ACSL3: variants seen among roughly 807,000 people sequenced by gnomAD.
ACSL3 encodes fatty acid CoA ligase Acsl3.
Under a neutral mutation model 84.7 loss-of-function variants are expected in ACSL3, and 34 were observed. The observed-to-expected ratio is 0.40, with a 90% CI of 0.31 to 0.53. ACSL3 has a LOEUF of 0.53. Among genes scored for constraint, ACSL3 ranks in the 20% least tolerant of loss-of-function variants. The pLI, the probability that ACSL3 is intolerant of heterozygous loss-of-function variation, is 0.48. For synonymous variants in ACSL3, 315 were observed against 299.4 expected, an observed-to-expected ratio of 1.05 and a Z score of -0.54; for missense variants, 680 against 873.1, an observed-to-expected ratio of 0.78 and a Z score of 2.79.
intron 1 of ACSL3, among the ~76,000 whole-genome samples, chr2:222,886,021 G>A (rs776598500): frequency 1.9e-4 from 29 of 152,004 alleles, no homozygotes; most frequent in Non-Finnish European, 1.8e-4. Context: ...GGGATTACAG[G>A]CGTGAGCCAC....
intron 7 of ACSL3, chr2:222,920,997 C>T (rs1421640728): frequency 3.7e-6 from 2 of 538,972 alleles, no homozygotes; most frequent in Non-Finnish European, 7.4e-6. Context: ...CAGAGACGGT[C>T]TCCAGGCTTT....
intron 7 of ACSL3, 137 bp from the exon 8 acceptor site, chr2:222,921,143 G>C: frequency 1.1e-6 from 1 of 935,930 alleles, no homozygotes; most frequent in Non-Finnish European, 1.7e-6. Flanking sequence ...GTTGATCTCA[G>C]TATAACTAAT....
intron 1 of ACSL3, among the ~76,000 whole-genome samples, chr2:222,881,328 G>T (rs550772413): frequency 6.6e-6 from 1 of 152,252 alleles, no homozygotes; most frequent in East Asian, 1.9e-4. Context: ...GCATTGGACA[G>T]CATAGAGTTA....
rs375452253 is a variant in ACSL3, at chr2:222,871,885, A to G, written c.-207+10627A>G. ...GAGTCTTGTTGCTTTGGGACCACAG[A>G]TGTGAATGTTATTATTATTATTTTT... On this transcript the variant is annotated intron_variant, in intron 1 of 16. Transcript: ENST00000357430. Among the ~76,000 whole-genome samples the G allele has an allele frequency of 4.6e-5, 7 of 152,150 alleles. No homozygotes were observed. The South Asian group carries it at 6.2e-4, about 14-fold the overall frequency.
chr2:222,916,249 A>G (rs1696578079), intron 4 of ACSL3, 70 bp from the exon 5 acceptor site: 2 of 1,040,934 alleles, frequency 1.9e-6, no homozygotes, highest in South Asian at 2.8e-5. Flanking sequence ...TAACATTTGG[A>G]CGATATTCTG....
intron 4 of ACSL3, among the ~76,000 whole-genome samples, chr2:222,910,517 C>G (rs1472977027): frequency 6.6e-6 from 1 of 152,184 alleles, no homozygotes; most frequent in Non-Finnish European, 1.5e-5. Flanking sequence ...TCCTCTTTTA[C>G]TGGAGGGCCA....
chr2:222,881,117 A>G (rs577107098), intron 1 of ACSL3, among the ~76,000 whole-genome samples: 8 of 152,228 alleles, frequency 5.3e-5, no homozygotes, highest in Admixed American at 1.3e-4. Flanking sequence ...CTAGTAGGCA[A>G]TTGATTTCAT....
intron 1 of ACSL3, among the ~76,000 whole-genome samples, chr2:222,868,072 A>ATGAC (rs1695202490): frequency 6.6e-6 from 1 of 151,968 alleles, no homozygotes. Context: ...AATTCCATGC[A>ATGAC]TGACTGCAGG....
At chr2:222,870,801 G>T (rs941879420) in intron 1 of ACSL3, among the ~76,000 whole-genome samples, 3 of 152,216 alleles carry the variant, frequency 2.0e-5, no homozygotes, top group Non-Finnish European at 4.4e-5. Context: ...ACTTCAAGTT[G>T]TGGAGAGTCT....
At chr2:222,941,047 G>T (rs73067422) in intron 16 of ACSL3, among the ~76,000 whole-genome samples, 1 of 151,908 alleles carries the variant, frequency 6.6e-6, no homozygotes, top group Non-Finnish European at 1.5e-5. Flanking sequence ...TACTACAAGC[G>T]TATGCCACTA....
At position 222,866,908 on chromosome 2, in the gene ACSL3, C is replaced by T. The variant is rs191806853; in HGVS notation, c.-207+5650C>T. ...GGAGTGCAGTGGTGTGATCTCTGCT[C>T]ACTGCAACCTCCGCCTCCCGGGTTC... On this transcript the variant is annotated intron_variant, in intron 1 of 16. Coordinates refer to ENST00000357430, the MANE Select transcript of ACSL3 (RefSeq NM_004457.5). 4.3e-3 allele frequency among the ~76,000 whole-genome samples: 652 copies of T among 150,016 alleles called. 5 individuals are homozygous for T. Among genetic ancestry groups the T allele is most frequent in the African/African-American group, 0.015 (604 of 40,674 alleles).
chr2:222,884,804 C>T (rs1695680184), intron 1 of ACSL3, among the ~76,000 whole-genome samples: 1 of 152,170 alleles, frequency 6.6e-6, no homozygotes, highest in Non-Finnish European at 1.5e-5. Context: ...TTTCTCTTTT[C>T]TTGTACAGTT....
At chr2:222,925,851 G>A (rs928842477) in intron 11 of ACSL3, among the ~76,000 whole-genome samples, 1 of 152,144 alleles carries the variant, frequency 6.6e-6, no homozygotes, top group African/African-American at 2.4e-5. Flanking sequence ...TTGTATTTGT[G>A]TAGTGTTAAT....
intron 2 of ACSL3, among the ~76,000 whole-genome samples, chr2:222,890,415 C>T (rs918933294): frequency 4.6e-5 from 7 of 152,172 alleles, no homozygotes; most frequent in African/African-American, 1.7e-4. Flanking sequence ...ATTTTAAAAT[C>T]ATCTTGAAAA....
chr2:222,894,766 A>T, intron 2 of ACSL3, among the ~76,000 whole-genome samples: 1 of 152,234 alleles, frequency 6.6e-6, no homozygotes, highest in Non-Finnish European at 1.5e-5. Context: ...GCAAGGTATC[A>T]TAGAAGTTCT....
At chr2:222,867,405 TTTA>T (rs1336611255) in intron 1 of ACSL3, among the ~76,000 whole-genome samples, 1 of 152,186 alleles carries the variant, frequency 6.6e-6, no homozygotes, top group Admixed American at 6.5e-5. Flanking sequence ...GAATTTGGTG[TTTA>T]TTATTCCTAT....
Position 222,937,385 on chromosome 2 carries a change from A to G in ACSL3, c.2005+2698A>G, listed in dbSNP as rs555132001. Among the ~76,000 whole-genome samples the G allele has an allele frequency of 3.9e-5, 6 of 152,188 alleles. No individual in the cohort carries two copies. In the South Asian group the frequency reaches 1.2e-3, roughly 32 times the overall value. On this transcript the variant is annotated intron_variant, in intron 16 of 16. Coordinates refer to ENST00000357430, the MANE Select transcript of ACSL3 (RefSeq NM_004457.5). The stretch of plus-strand genomic sequence containing the variant: ...TTTTGATCTTCTGATTGTTCTATTC[A>G]TAAATGAAAGTGGAGTATTGAAGTC...
chr2:222,915,229 T>A (rs1434566622), intron 4 of ACSL3, among the ~76,000 whole-genome samples: 3 of 151,460 alleles, frequency 2.0e-5, no homozygotes, highest in Non-Finnish European at 3.0e-5. Context: ...TTCATGGGGG[T>A]AAAGAGCAAG....
chr2:222,873,590 A>AG (rs1695362669), intron 1 of ACSL3, among the ~76,000 whole-genome samples: 2 of 152,344 alleles, frequency 1.3e-5, no homozygotes, highest in Non-Finnish European at 2.9e-5. Context: ...GCCAGTGCTG[A>AG]GGTGCTTTCG....
Sources: gnomAD v4.1 joint callset for allele counts (sites outside exome capture counted in the v4.1 genomes callset) on GRCh38, gnomAD v4.1.1 for gene constraint, MANE v1.5 for transcripts, NCBI Gene and HGNC (gene_info 2026-07-23, HGNC 2026-07-21) for gene names.